The following KCMF1 variants were observed in gnomAD, a reference collection of about 807,000 sequenced individuals.
The protein encoded by KCMF1 is potassium channel modulatory factor 1, also known as E3 ubiquitin-protein ligase KCMF1.
KCMF1 carries 3 observed loss-of-function variants against 41.1 expected under a neutral mutation model. That is an observed-to-expected ratio of 0.07 (90% CI 0.03 to 0.19). The LOEUF (loss-of-function observed/expected upper bound fraction) is 0.19. KCMF1 is among the 10% of genes least tolerant of loss of function. The pLI is 1.00. For missense variants in KCMF1, 286 were observed against 488.9 expected, an observed-to-expected ratio of 0.58 and a Z score of 3.91; for synonymous variants, 142 against 164.5, an observed-to-expected ratio of 0.86 and a Z score of 1.04.
At chr2:85,003,159 T>G (rs1020656608) in intron 1 of KCMF1, among the ~76,000 whole-genome samples, 1 of 152,180 alleles carries the variant, frequency 6.6e-6, no homozygotes, top group Admixed American at 6.6e-5. Flanking sequence ...AAGGCAAAAC[T>G]TTGTACGAAG....
chr2:85,006,361 C>T (rs1010345653), intron 1 of KCMF1, among the ~76,000 whole-genome samples: 7 of 133,454 alleles, frequency 5.2e-5, no homozygotes, highest in South Asian at 4.7e-4. Flanking sequence ...AGTGCAGTGG[C>T]GCCATCTCGG....
intron 1 of KCMF1, among the ~76,000 whole-genome samples, chr2:84,974,689 A>C (rs200715345): frequency 3.5e-5 from 1 of 28,300 alleles, no homozygotes; most frequent in Non-Finnish European, 5.6e-5. Flanking sequence ...ATATATATAT[A>C]TATTTTTTTT....
In KCMF1 at chr2:85,053,554, T is replaced by C; in HGVS notation, c.*145T>C. 3 of 863,008 alleles carry C rather than the reference T, an allele frequency of 3.5e-6. No homozygotes were observed. The highest frequency in any genetic ancestry group is 2.7e-5 in the East Asian group (1 of 37,436). The allele number at this position is 863,008 out of a possible 1,614,324, so 53.5% of individuals were successfully genotyped here. On this transcript the variant is annotated 3_prime_UTR_variant, in exon 7 of 7. Transcript: ENST00000409785. ...GTACATTCAAAAGGAAGAGAGAAAA[T>C]ATATATGATAATCATTTCCACTTAA...
intron 1 of KCMF1, among the ~76,000 whole-genome samples, chr2:85,021,960 G>A (rs1319411434): frequency 6.6e-6 from 1 of 151,956 alleles, no homozygotes; most frequent in African/African-American, 2.4e-5. Context: ...GGGATTACAG[G>A]TGCCTGCCAC....
At chr2:84,991,495 T>G (rs1674042441) in intron 1 of KCMF1, among the ~76,000 whole-genome samples, 1 of 152,212 alleles carries the variant, frequency 6.6e-6, no homozygotes, top group African/African-American at 2.4e-5. Flanking sequence ...TTAAACTTTC[T>G]ATCAGGTAGA....
At chr2:85,001,119 C>A (rs940370986) in intron 1 of KCMF1, among the ~76,000 whole-genome samples, 1 of 150,768 alleles carries the variant, frequency 6.6e-6, no homozygotes, top group African/African-American at 2.4e-5. Context: ...AGCCACTACT[C>A]CCAGCCTTAT....
At chr2:84,974,130 C>T (rs1426556763) in intron 1 of KCMF1, among the ~76,000 whole-genome samples, 5 of 152,092 alleles carry the variant, frequency 3.3e-5, no homozygotes, top group South Asian at 2.1e-4. Context: ...GCCCAGCCTC[C>T]GTGTTTCTTT....
At chr2:85,052,349 T>A (rs1431372028) in intron 6 of KCMF1, among the ~76,000 whole-genome samples, 3 of 152,104 alleles carry the variant, frequency 2.0e-5, no homozygotes, top group Non-Finnish European at 4.4e-5. Context: ...GGGATTACAG[T>A]CATGAGCCAC....
Position 85,056,204 on chromosome 2 carries a change from A to G in KCMF1, c.*2795A>G, listed in dbSNP as rs950178892. 9.3e-5 allele frequency: 14 copies of G among 150,046 alleles called. No homozygotes were observed. The highest frequency in any genetic ancestry group is 1.9e-4 in the Non-Finnish European group (13 of 67,730). The allele number at this position is 150,046 out of a possible 1,614,324, so 9.3% of individuals were successfully genotyped here. Reference sequence around the variant, plus strand: ...ATTAGGCTCAGGTAAAGTAAGAGAAAACTTCTCTCCCTGTGGCCCCCAGAG... The same window carrying G: ...ATTAGGCTCAGGTAAAGTAAGAGAAGACTTCTCTCCCTGTGGCCCCCAGAG... On this transcript the variant is annotated 3_prime_UTR_variant, in exon 7 of 7. Coordinates refer to ENST00000409785, the MANE Select transcript of KCMF1 (RefSeq NM_020122.5).
At chr2:85,024,735 AATTG>A (rs1262898820) in intron 1 of KCMF1, among the ~76,000 whole-genome samples, 1 of 151,966 alleles carries the variant, frequency 6.6e-6, no homozygotes, top group Non-Finnish European at 1.5e-5. Context: ...AACCATGTGG[AATTG>A]ATTTTTTGTG....
intron 1 of KCMF1, among the ~76,000 whole-genome samples, chr2:84,999,778 A>G (rs559273147): frequency 1.3e-5 from 2 of 152,336 alleles, no homozygotes; most frequent in African/African-American, 4.8e-5. Context: ...CCACATGGAA[A>G]AATAAAAATA....
intron 1 of KCMF1, among the ~76,000 whole-genome samples, chr2:84,996,190 T>C (rs1248911345): frequency 6.6e-6 from 1 of 152,180 alleles, no homozygotes. Flanking sequence ...TTTGGGACAT[T>C]TGACAGTTAT....
rs919560813 is a variant in KCMF1, at chr2:85,057,011, C to A, written c.*3602C>A. The A allele has an allele frequency of 6.6e-6, 1 of 152,028 alleles. No individual in the cohort carries two copies. Among genetic ancestry groups the A allele is most frequent in the Non-Finnish European group, 1.5e-5 (1 of 68,030 alleles). The allele number at this position is 152,028 out of a possible 1,614,324, so 9.4% of individuals were successfully genotyped here. On this transcript the variant is annotated 3_prime_UTR_variant, in exon 7 of 7. Transcript: ENST00000409785. ...CCAGCATAGTGAAACCCCATCTCTA[C>A]TAAAAAATACAAAAAGTTAGCTGGG...
chr2:85,055,493 C>G lies in KCMF1; in HGVS notation c.*2084C>G, dbSNP rs1305331801. The G allele has an allele frequency of 6.6e-6, 1 of 152,130 alleles. No individual in the cohort carries two copies. Among genetic ancestry groups the G allele is most frequent in the Non-Finnish European group, 1.5e-5 (1 of 68,016 alleles). 9.4% of individuals were successfully genotyped at this position (152,130 alleles called of 1,614,324 possible). ...TTTAGGGAACAACTGTAAGTCCATT[C>G]AGAGCAGTTTAATTTAGATGATCAC... is the stretch of plus-strand genomic sequence containing the variant. On this transcript the variant is annotated 3_prime_UTR_variant, in exon 7 of 7. Transcript: ENST00000409785.
At chr2:84,978,212 G>A (rs1376527587) in intron 1 of KCMF1, among the ~76,000 whole-genome samples, 3 of 151,964 alleles carry the variant, frequency 2.0e-5, no homozygotes, top group East Asian at 1.9e-4. Context: ...AGTCAGGCTG[G>A]TCTTGAACTC....
At chr2:85,001,956 C>T (rs759372862) in intron 1 of KCMF1, among the ~76,000 whole-genome samples, 78 of 152,180 alleles carry the variant, frequency 5.1e-4, no homozygotes, top group Non-Finnish European at 9.7e-4. Flanking sequence ...GCAGTTATAA[C>T]ACAATGCTAT....
chr2:84,990,229 C>T (rs1021137725), intron 1 of KCMF1, among the ~76,000 whole-genome samples: 6 of 152,142 alleles, frequency 3.9e-5, no homozygotes, highest in Admixed American at 3.9e-4. Context: ...AAATTGAGGA[C>T]ACTACCCAAA....
chr2:85,019,829 C>T (rs1041990535), intron 1 of KCMF1, among the ~76,000 whole-genome samples: 1 of 150,036 alleles, frequency 6.7e-6, no homozygotes, highest in African/African-American at 2.5e-5. Flanking sequence ...TATATATATA[C>T]GTATGTATAT....
At position 85,057,725 on chromosome 2, in the gene KCMF1, A is replaced by G. The variant is rs2104080166; in HGVS notation, c.*4316A>G. 6.6e-6 allele frequency: 1 copy of G among 152,310 alleles called. No homozygotes were observed. The highest frequency in any genetic ancestry group is 2.4e-5 in the African/African-American group (1 of 41,568). 9.4% of individuals were successfully genotyped at this position (152,310 alleles called of 1,614,324 possible). ...CTGTCAGTGTTCTATAAATGCATACATTCGTTATTTAAGGAACCCTGCAGC... is the reference window on the plus strand; with the variant it reads ...CTGTCAGTGTTCTATAAATGCATACGTTCGTTATTTAAGGAACCCTGCAGC... On this transcript the variant is annotated 3_prime_UTR_variant, in exon 7 of 7. Coordinates refer to ENST00000409785, the MANE Select transcript of KCMF1 (RefSeq NM_020122.5).
Sources: gnomAD v4.1 joint callset for allele counts (sites outside exome capture counted in the v4.1 genomes callset) on GRCh38, gnomAD v4.1.1 for gene constraint, MANE v1.5 for transcripts, NCBI Gene and HGNC (gene_info 2026-07-23, HGNC 2026-07-21) for gene names.